Variants in KIAA1217 observed in about 807,000 individuals in gnomAD.
KIAA1217 encodes the protein KIAA1217, also known as sickle tail protein homolog.
In KIAA1217, 88 loss-of-function variants were observed where a neutral mutation model predicts 163.9. That is an observed-to-expected ratio of 0.54 (90% confidence interval 0.45 to 0.64). KIAA1217 has a LOEUF of 0.64. Ranked by LOEUF, KIAA1217 falls within the 30% of genes least tolerant of loss-of-function variation. KIAA1217 has a pLI of 0.00. For synonymous variants in KIAA1217, 903 were observed against 923.1 expected, an observed-to-expected ratio of 0.98 and a Z score of 0.39; for missense variants, 2,372 against 2,475.0, an observed-to-expected ratio of 0.96 and a Z score of 0.88.
chr10:24,026,123 T>C (rs1199849833), intron 2 of KIAA1217, among the ~76,000 whole-genome samples: 1 of 151,924 alleles, frequency 6.6e-6, no homozygotes. Flanking sequence ...TATATTCTAC[T>C]TGGTCTACTT....
In KIAA1217 at chr10:24,528,046, A is replaced by G; in HGVS notation, c.3009A>G (p.Pro1003=). ...EAQANIMKSI[P]NLEMPPATGP... The stretch of plus-strand genomic sequence containing the variant: ...AGGCCAATATCATGAAGTCAATACC[A>G]AATCTGGAGATGCCGCCAGCCACAG... Residue 1003 remains proline (P), a synonymous_variant, in exon 14 of 21, where the codon CCA becomes CCG. Transcript: ENST00000376454. 1 of 1,614,200 alleles carries G rather than the reference A, an allele frequency of 6.2e-7. No homozygotes were observed. Among genetic ancestry groups the G allele is most frequent in the Non-Finnish European group, 8.5e-7 (1 of 1,180,032 alleles).
intron 9 of KIAA1217, among the ~76,000 whole-genome samples, chr10:24,504,530 G>A (rs1167711766): frequency 6.6e-6 from 1 of 152,010 alleles, no homozygotes; most frequent in African/African-American, 2.4e-5. Context: ...CAACATGTGC[G>A]GTATTATATA....
intron 3 of KIAA1217, among the ~76,000 whole-genome samples, chr10:24,396,179 A>G (rs2055715181): frequency 6.6e-6 from 1 of 152,116 alleles, no homozygotes; most frequent in Non-Finnish European, 1.5e-5. Context: ...TCTACTAAAA[A>G]TACAAAAATT....
chr10:24,275,882 A>G (rs762973485), intron 2 of KIAA1217: 5 of 437,884 alleles, frequency 1.1e-5, no homozygotes, highest in African/African-American at 2.1e-5. Context: ...GGCCCTGGCC[A>G]TCAGTTCTCC....
intron 4 of KIAA1217, among the ~76,000 whole-genome samples, chr10:24,436,693 A>G (rs1214232536): frequency 2.1e-5 from 3 of 142,578 alleles, no homozygotes; most frequent in Admixed American, 7.5e-5. Flanking sequence ...GGGAAGCGGA[A>G]CTCACAGTGA....
At chr10:24,335,496 T>C (rs2046230918) in intron 2 of KIAA1217, among the ~76,000 whole-genome samples, 1 of 151,886 alleles carries the variant, frequency 6.6e-6, no homozygotes, top group South Asian at 2.1e-4. Context: ...AAAAAGATGA[T>C]CTAAAATTAT....
At chr10:24,055,027 G>A (rs1211945803) in intron 2 of KIAA1217, among the ~76,000 whole-genome samples, 1 of 152,128 alleles carries the variant, frequency 6.6e-6, no homozygotes, top group Non-Finnish European at 1.5e-5. Flanking sequence ...AGCATTTTGG[G>A]AAGCCGAGGC....
At position 24,543,763 on chromosome 10, in the gene KIAA1217, C is replaced by T; in HGVS notation, c.4493C>T (p.Thr1498Ile). 6.2e-7 allele frequency: 1 copy of T among 1,613,474 alleles called. No homozygotes were observed. The highest frequency in any genetic ancestry group is 1.1e-5 in the South Asian group (1 of 90,992). ...GATTCTGTAGTCCAGAATAATAACACTTCCCAGATGTCTCATAAGAAGGTG... is the reference window on the plus strand; with the variant it reads ...GATTCTGTAGTCCAGAATAATAACATTTCCCAGATGTCTCATAAGAAGGTG... ...NGDSVVQNNNTSQMSHKKVAP... is the reference protein window; with the variant it reads ...NGDSVVQNNNISQMSHKKVAP... The change falls in exon 19 of 21, where the codon ACT (threonine) becomes ATT (isoleucine). Residue 1498 changes from threonine to isoleucine, a missense_variant. Physicochemically the swap from Thr to Ile is moderately conservative, Grantham distance 89. Transcript: ENST00000376454.
chr10:24,441,547 T>C (rs1203071333), intron 5 of KIAA1217, among the ~76,000 whole-genome samples: 1 of 152,110 alleles, frequency 6.6e-6, no homozygotes. Flanking sequence ...AATGCATGCT[T>C]GGTGGGGAAA....
intron 6 of KIAA1217, among the ~76,000 whole-genome samples, chr10:24,492,072 G>A (rs546996605): frequency 1.3e-5 from 2 of 152,318 alleles, no homozygotes; most frequent in East Asian, 3.9e-4. Context: ...TGCGGATAGA[G>A]TCCCTGTGGG....
intron 5 of KIAA1217, among the ~76,000 whole-genome samples, chr10:24,445,786 G>T (rs546725636): frequency 6.6e-6 from 1 of 151,908 alleles, no homozygotes. Flanking sequence ...ATCCTTGTTG[G>T]ACATTTGGGT....
chr10:24,097,227 T>G (rs939353824), intron 2 of KIAA1217, among the ~76,000 whole-genome samples: 3 of 152,158 alleles, frequency 2.0e-5, no homozygotes, highest in Non-Finnish European at 2.9e-5. Context: ...CTAGTTGTAC[T>G]TCAAAGGAAT....
intron 1 of KIAA1217, among the ~76,000 whole-genome samples, chr10:23,849,526 G>A (rs1203311215): frequency 6.6e-6 from 1 of 152,022 alleles, no homozygotes; most frequent in Non-Finnish European, 1.5e-5. Flanking sequence ...CTCAAAGTTG[G>A]TGTCAGGATA....
intron 2 of KIAA1217, among the ~76,000 whole-genome samples, chr10:24,042,852 A>G (rs747273527): frequency 6.6e-6 from 1 of 152,228 alleles, no homozygotes; most frequent in African/African-American, 2.4e-5. Flanking sequence ...AAACAAAAAA[A>G]AGAAGGAAAT....
intron 1 of KIAA1217, among the ~76,000 whole-genome samples, chr10:23,747,669 T>A (rs1020557251): frequency 1.3e-5 from 2 of 152,028 alleles, no homozygotes; most frequent in African/African-American, 4.8e-5. Flanking sequence ...AAATGAAGAT[T>A]TAAAGAAGAT....
intron 2 of KIAA1217, among the ~76,000 whole-genome samples, chr10:24,025,054 G>A (rs74124890): frequency 0.013 from 1,997 of 151,588 alleles, 49 homozygotes; most frequent in African/African-American, 0.046. Context: ...CTTATTTTAT[G>A]GTTCCCACTT....
intron 14 of KIAA1217, among the ~76,000 whole-genome samples, chr10:24,528,497 T>A (rs2072585167): frequency 1.3e-5 from 2 of 151,980 alleles, no homozygotes; most frequent in South Asian, 2.1e-4. Flanking sequence ...TGTCTAATTT[T>A]TTTTTATTTT....
chr10:23,728,286 G>A (rs565120974), intron 1 of KIAA1217, among the ~76,000 whole-genome samples: 19 of 152,252 alleles, frequency 1.2e-4, no homozygotes, highest in South Asian at 2.1e-4. Context: ...CACCAATAGC[G>A]TGAAAGTGTT....
intron 2 of KIAA1217, among the ~76,000 whole-genome samples, chr10:24,252,112 G>A (rs2074620918): frequency 6.6e-6 from 1 of 152,100 alleles, no homozygotes; most frequent in African/African-American, 2.4e-5. Context: ...AATCATCCTA[G>A]TTTTATGGAG....
Sources: gnomAD v4.1 joint callset for allele counts (sites outside exome capture counted in the v4.1 genomes callset) on GRCh38, gnomAD v4.1.1 for gene constraint, MANE v1.5 for transcripts, NCBI Gene and HGNC (gene_info 2026-07-23, HGNC 2026-07-21) for gene names.